Variants in GINS1 observed in about 807,000 individuals in gnomAD.
GINS1 encodes GINS complex subunit 1, also known as DNA replication complex GINS protein PSF1.
Under a neutral mutation model 34.9 loss-of-function variants are expected in GINS1, and 26 were observed. The ratio of observed to expected loss-of-function variants is 0.74; its 90% CI spans 0.55 to 1.03. The LOEUF (loss-of-function observed/expected upper bound fraction) is 1.03. GINS1 is among the 50% of genes least tolerant of loss of function. The pLI, the probability that GINS1 is intolerant of heterozygous loss-of-function variation, is 0.00. For missense variants in GINS1, 235 were observed against 237.9 expected, an observed-to-expected ratio of 0.99 and a Z score of 0.08; for synonymous variants, 97 against 84.4, an observed-to-expected ratio of 1.15 and a Z score of -0.82.
At chr20:25,443,918 A>G (rs1315016519) in intron 6 of GINS1, among the ~76,000 whole-genome samples, 1 of 151,496 alleles carries the variant, frequency 6.6e-6, no homozygotes, top group African/African-American at 2.4e-5. Flanking sequence ...ACCACATCCA[A>G]ACTTTCTGTA....
intron 5 of GINS1, among the ~76,000 whole-genome samples, chr20:25,441,430 A>AG (rs200271678): frequency 0.012 from 1,899 of 152,264 alleles, 35 homozygotes; most frequent in African/African-American, 0.04. Context: ...AGGATTTCAG[A>AG]GGGGAAGGAG....
Position 25,425,239 on chromosome 20 carries a change from C to T in GINS1, c.359C>T (p.Ser120Phe). Residue 120 changes from serine (S) to phenylalanine (F), a missense_variant, in exon 5 of 7, where the codon TCT becomes TTT. Coordinates refer to ENST00000262460, the MANE Select transcript of GINS1 (RefSeq NM_021067.5). ...GAGTGGTTTAATAATTATAAAAGAT[C>T]TCTTGCTACTTATATGAGGTCACTG... is the stretch of plus-strand genomic sequence containing the variant. Reference protein sequence around the residue: ...EMEWFNNYKRSLATYMRSLGG... With the variant: ...EMEWFNNYKRFLATYMRSLGG... The T allele has an allele frequency of 1.3e-6, 2 of 1,527,606 alleles. No individual in the cohort carries two copies. Among genetic ancestry groups the T allele is most frequent in the Non-Finnish European group, 1.8e-6 (2 of 1,102,170 alleles). The allele number at this position is 1,527,606 out of a possible 1,614,324, so 94.6% of individuals were successfully genotyped here. A position where few individuals can be genotyped will look rare whatever the true frequency, so the allele number is the denominator to read the frequency against.
intron 4 of GINS1, chr20:25,419,618 C>T (rs928878860): frequency 1.2e-5 from 10 of 833,630 alleles, no homozygotes; most frequent in African/African-American, 5.6e-5. Context: ...GTTTCTCTAA[C>T]GACAGTAGCT....
intron 5 of GINS1, among the ~76,000 whole-genome samples, chr20:25,428,393 A>ATTTT (rs1600933488): frequency 1.1e-5 from 1 of 93,122 alleles, no homozygotes; most frequent in African/African-American, 4.2e-5. Flanking sequence ...TCCAAGCATA[A>ATTTT]TTTCTTTTTT....
chr20:25,409,711 T>C (rs1010008723), intron 1 of GINS1, among the ~76,000 whole-genome samples: 10 of 152,240 alleles, frequency 6.6e-5, no homozygotes, highest in African/African-American at 2.4e-4. Context: ...GAGGTAGAGC[T>C]TCAACTTGAA....
intron 5 of GINS1, among the ~76,000 whole-genome samples, chr20:25,437,056 A>T (rs1229206230): frequency 6.6e-6 from 1 of 152,068 alleles, no homozygotes; most frequent in African/African-American, 2.4e-5. Flanking sequence ...TCAAATCTTT[A>T]TTGAACCTGT....
intron 5 of GINS1, among the ~76,000 whole-genome samples, chr20:25,435,994 T>G (rs2090453266): frequency 6.7e-6 from 1 of 150,188 alleles, no homozygotes; most frequent in Non-Finnish European, 1.5e-5. Context: ...TTTTTTTTTT[T>G]TGTATTTTTA....
intron 1 of GINS1, among the ~76,000 whole-genome samples, chr20:25,411,980 C>T (rs1443314851): frequency 1.3e-5 from 2 of 151,822 alleles, no homozygotes; most frequent in Non-Finnish European, 2.9e-5. Context: ...TGCTGGTGCA[C>T]ACCTGTAGTC....
intron 5 of GINS1, among the ~76,000 whole-genome samples, chr20:25,438,669 G>C (rs1452460117): frequency 2.0e-5 from 3 of 151,780 alleles, no homozygotes. Context: ...CACCTCCCAG[G>C]CTCAAGCCAT....
intron 5 of GINS1, among the ~76,000 whole-genome samples, chr20:25,429,233 G>A (rs927141121): frequency 1.3e-5 from 2 of 151,842 alleles, no homozygotes; most frequent in Admixed American, 6.6e-5. Flanking sequence ...CAGGTGATCC[G>A]CCCACCTCAG....
At chr20:25,419,626 G>T in intron 4 of GINS1, 1 of 850,072 alleles carries the variant, frequency 1.2e-6, no homozygotes, top group Admixed American at 4.0e-5. Context: ...AACGACAGTA[G>T]CTTTAATGAT....
chr20:25,430,881 T>C (rs1363671345), intron 5 of GINS1, among the ~76,000 whole-genome samples: 1 of 152,246 alleles, frequency 6.6e-6, no homozygotes, highest in Non-Finnish European at 1.5e-5. Context: ...GTCTATAGTT[T>C]TCTTGGAGTA....
At chr20:25,411,833 G>T (rs1568796289) in intron 1 of GINS1, among the ~76,000 whole-genome samples, 3 of 152,000 alleles carry the variant, frequency 2.0e-5, no homozygotes, top group African/African-American at 4.8e-5. Context: ...CCAGCTACTT[G>T]AGAGGCTAAG....
chr20:25,422,463 C>G (rs757836879), intron 4 of GINS1, among the ~76,000 whole-genome samples: 1 of 151,088 alleles, frequency 6.6e-6, no homozygotes, highest in Non-Finnish European at 1.5e-5. Context: ...TGGTGGCATG[C>G]GCCTGTGGTC....
At chr20:25,435,217 C>T (rs1177939591) in intron 5 of GINS1, among the ~76,000 whole-genome samples, 3 of 152,136 alleles carry the variant, frequency 2.0e-5, no homozygotes, top group East Asian at 1.9e-4. Context: ...GCCTTCTAGC[C>T]TCCAAAGTTT....
intron 1 of GINS1, among the ~76,000 whole-genome samples, chr20:25,410,258 T>G (rs1391037040): frequency 6.6e-6 from 1 of 151,930 alleles, no homozygotes; most frequent in Non-Finnish European, 1.5e-5. Context: ...GGAGAATGGC[T>G]TGAATCTGGG....
At chr20:25,438,439 T>G (rs749634722) in intron 5 of GINS1, among the ~76,000 whole-genome samples, 1 of 150,362 alleles carries the variant, frequency 6.7e-6, no homozygotes, top group Non-Finnish European at 1.5e-5. Context: ...TCAACATGAC[T>G]AATAACTGCG....
At chr20:25,438,374 T>C (rs576938002) in intron 5 of GINS1, among the ~76,000 whole-genome samples, 1 of 152,092 alleles carries the variant, frequency 6.6e-6, no homozygotes, top group South Asian at 2.1e-4. Context: ...ACTGGAAGGA[T>C]ATGGGGGCCA....
intron 5 of GINS1, among the ~76,000 whole-genome samples, chr20:25,434,413 G>A (rs1254077089): frequency 6.6e-6 from 1 of 151,762 alleles, no homozygotes; most frequent in South Asian, 2.1e-4. Flanking sequence ...AAATACCTGA[G>A]ACTAGGTAAT....
Sources: allele counts gnomAD v4.1 joint callset (sites outside exome capture counted in the v4.1 genomes callset), GRCh38; gene constraint gnomAD v4.1.1; transcripts MANE v1.5; gene names NCBI Gene and HGNC (gene_info 2026-07-23, HGNC 2026-07-21).